INSL6: variants seen among roughly 807,000 people sequenced by gnomAD.
INSL6 encodes insulin-like peptide INSL6.
A neutral mutation model predicts 9.4 loss-of-function variants in INSL6; 16 were observed. The ratio of observed to expected loss-of-function variants is 1.70; its 90% confidence interval spans 1.15 to 2.59. INSL6 has a LOEUF of 2.59. INSL6 is among the 30% of genes most tolerant of loss of function. The pLI, the probability that INSL6 is intolerant of heterozygous loss-of-function variation, is 0.00. For missense variants in INSL6, 391 were observed against 257.3 expected (o/e 1.52, Z -3.56); for synonymous variants, 154 against 96.9 (o/e 1.59, Z -3.46).
chr9:5,148,408 G>A (rs1348133420), intron 2 of INSL6, among the ~76,000 whole-genome samples: 1 of 152,176 alleles, frequency 6.6e-6, no homozygotes, highest in African/African-American at 2.4e-5. Context: ...ATGTGAGGGA[G>A]AGAGAGGTGA....
chr9:5,162,922 TTC>T (rs1414185535), downstream of INSL6, among the ~76,000 whole-genome samples: 2 of 152,200 alleles, frequency 1.3e-5, no homozygotes, highest in Non-Finnish European at 2.9e-5. Context: ...GTTCACTGGG[TTC>T]TGTTTTGCTC....
chr9:5,151,774 A>G (rs911483928), intron 2 of INSL6, among the ~76,000 whole-genome samples: 1 of 152,236 alleles, frequency 6.6e-6, no homozygotes, highest in Non-Finnish European at 1.5e-5. Flanking sequence ...GCAAGATTGT[A>G]TATTTAAACA....
intron 3 of INSL6, chr9:5,132,111 G>A (rs1824303868): frequency 6.6e-6 from 1 of 152,088 alleles, no homozygotes; most frequent in Non-Finnish European, 1.5e-5. Context: ...CCTTCTTATT[G>A]AAGGACTTTG....
the INSL6 span, among the ~76,000 whole-genome samples, chr9:5,049,517 CCTT>C: frequency 6.6e-6 from 1 of 152,280 alleles, no homozygotes; most frequent in East Asian, 1.9e-4. Context: ...ATGAAACCCT[CCTT>C]GATTACTCCA....
the INSL6 span, among the ~76,000 whole-genome samples, chr9:5,116,440 T>C: frequency 6.6e-6 from 1 of 152,222 alleles, no homozygotes; most frequent in Admixed American, 6.5e-5. Flanking sequence ...ACTTTTAGGG[T>C]ATGAGTGAAA....
intron 2 of INSL6, among the ~76,000 whole-genome samples, chr9:5,154,755 C>T (rs1486424134): frequency 2.0e-5 from 3 of 152,284 alleles, no homozygotes; most frequent in Admixed American, 2.0e-4. Flanking sequence ...CAGAGAAATG[C>T]AAATCAAAAC....
the INSL6 span, chr9:5,040,946 G>C: frequency 6.6e-6 from 3 of 452,122 alleles, no homozygotes; most frequent in South Asian, 3.8e-5. Flanking sequence ...CGGAGCCAAG[G>C]AAAGAATCTC....
chr9:5,145,230 T>C (rs1167502829), intron 2 of INSL6, among the ~76,000 whole-genome samples: 1 of 151,428 alleles, frequency 6.6e-6, no homozygotes, highest in East Asian at 1.9e-4. Flanking sequence ...GAAGCTTAGC[T>C]TGGCCAGATA....
the INSL6 span, among the ~76,000 whole-genome samples, chr9:5,049,080 ATAAAG>A: frequency 2.0e-5 from 3 of 152,172 alleles, no homozygotes; most frequent in East Asian, 5.8e-4. Flanking sequence ...TATATAGTTA[ATAAAG>A]TTATCAGCCT....
the INSL6 span, among the ~76,000 whole-genome samples, chr9:5,009,810 G>T: frequency 4.7e-5 from 7 of 149,718 alleles, no homozygotes; most frequent in Non-Finnish European, 8.9e-5. Flanking sequence ...TTGCTCTGTT[G>T]CCCAGGCTGG....
chr9:5,112,251 C>G, the INSL6 span: 5 of 260,758 alleles, frequency 1.9e-5, no homozygotes, highest in East Asian at 4.7e-4. Context: ...GGCGAACACC[C>G]TGAGGACGGC....
chr9:5,133,293 C>G (rs918923157), intron 3 of INSL6: 3 of 152,014 alleles, frequency 2.0e-5, no homozygotes, highest in African/African-American at 4.8e-5. Flanking sequence ...TAGGTCAAAC[C>G]AGCACTACCT....
intron 1 of INSL6, among the ~76,000 whole-genome samples, chr9:5,169,953 A>G (rs1825141203): frequency 6.6e-6 from 1 of 152,204 alleles, no homozygotes; most frequent in Non-Finnish European, 1.5e-5. Flanking sequence ...CATGAGACTG[A>G]TTGTTGAGAC....
At chr9:5,145,252 G>T (rs1376362361) in intron 2 of INSL6, among the ~76,000 whole-genome samples, 1 of 150,922 alleles carries the variant, frequency 6.6e-6, no homozygotes, top group Non-Finnish European at 1.5e-5. Context: ...GAAATTCTGG[G>T]TTGGAATTTC....
At chr9:5,152,809 G>A (rs116321249) in intron 2 of INSL6, among the ~76,000 whole-genome samples, 2,771 of 152,286 alleles carry the variant, frequency 0.018, 87 homozygotes, top group African/African-American at 0.063. Flanking sequence ...CAAGATCGAC[G>A]CAGAAGGCAG....
downstream of INSL6, among the ~76,000 whole-genome samples, chr9:5,121,974 C>T (rs971749885): frequency 6.6e-6 from 1 of 152,058 alleles, no homozygotes; most frequent in African/African-American, 2.4e-5. Context: ...TTGATAATAA[C>T]ATAACTAGAT....
At chr9:5,029,734 AT>A in the INSL6 span, 1 of 1,489,056 alleles carries the variant, frequency 6.7e-7, no homozygotes, top group African/African-American at 1.4e-5. Context: ...CTATGTAAAA[AT>A]ATTCTGTTGT....
chr9:5,117,847 G>A, the INSL6 span, among the ~76,000 whole-genome samples: 3 of 152,150 alleles, frequency 2.0e-5, 1 homozygote, highest in Non-Finnish European at 4.4e-5. Context: ...GTATTAATGA[G>A]AGGCTAATAG....
chr9:5,064,747 A>G, the INSL6 span: 10 of 528,298 alleles, frequency 1.9e-5, no homozygotes, highest in East Asian at 2.2e-4. Context: ...TGTAATTCAT[A>G]TTGAGTACTG....
Sources: gnomAD v4.1 joint callset for allele counts (sites outside exome capture counted in the v4.1 genomes callset) on GRCh38, gnomAD v4.1.1 for gene constraint, MANE v1.5 for transcripts, NCBI Gene and HGNC (gene_info 2026-07-23, HGNC 2026-07-21) for gene names.